Variants in MYRIP observed in about 807,000 individuals in gnomAD.
MYRIP encodes rab effector MyRIP.
In MYRIP, 49 loss-of-function variants were observed where a neutral mutation model predicts 98.0. The observed-to-expected ratio is 0.50, with a 90% CI of 0.40 to 0.63. The LOEUF is 0.63. Ranked by LOEUF, MYRIP falls within the 30% of genes least tolerant of loss-of-function variation. The probability of loss-of-function intolerance (pLI) is 0.00; values close to 1 mark genes in which losing one functional copy is unlikely to be tolerated. For missense variants in MYRIP, 1,004 were observed against 1,058.2 expected, an observed-to-expected ratio of 0.95 and a Z score of 0.71; for synonymous variants, 404 against 409.5, an observed-to-expected ratio of 0.99 and a Z score of 0.16.
chr3:40,057,463 G>A (rs533246527), intron 3 of MYRIP, among the ~76,000 whole-genome samples: 11 of 152,244 alleles, frequency 7.2e-5, no homozygotes, highest in South Asian at 6.2e-4. Context: ...AGAAGCTAAC[G>A]TTAATCTAGA....
chr3:40,150,034 T>A (rs2125572885), intron 3 of MYRIP, among the ~76,000 whole-genome samples: 1 of 152,306 alleles, frequency 6.6e-6, no homozygotes, highest in Middle Eastern at 3.4e-3. Context: ...AGAAAGGCTT[T>A]AGAAATTTGT....
intron 5 of MYRIP, among the ~76,000 whole-genome samples, chr3:40,166,036 C>T (rs1486358585): frequency 6.6e-6 from 1 of 152,160 alleles, no homozygotes; most frequent in Non-Finnish European, 1.5e-5. Flanking sequence ...CTACTTACCA[C>T]TGGATTTTTG....
rs1481422170 is a variant in MYRIP at position 40,204,188 on chromosome 3, A to ATTATATAATATG, written c.1666-5665_1666-5664insTATATAATATGT. Among the ~76,000 whole-genome samples, 5 of 57,132 alleles carry ATTATATAATATG rather than the reference A, an allele frequency of 8.8e-5. 1 individual carries two copies. In the South Asian group the frequency reaches 1.7e-3, roughly 19 times the overall value. 37.5% of individuals were successfully genotyped at this position (57,132 alleles called of 152,430 possible). ...ATAATATTTATATATTATATAATATATAAATATTATATTATATATTTATAT... is the reference window on the plus strand; with the variant it reads ...ATAATATTTATATATTATATAATATATTATATAATATGTAAATATTATATTATATATTTATAT... On this transcript the variant is annotated intron_variant, in intron 10 of 16. Transcript: ENST00000302541.
chr3:40,161,965 C>A (rs372319364), intron 4 of MYRIP, among the ~76,000 whole-genome samples: 22 of 152,242 alleles, frequency 1.4e-4, no homozygotes, highest in African/African-American at 5.3e-4. Context: ...CTCACCAGAG[C>A]TGCTTTTCCT....
chr3:39,838,287 G>A (rs1020727691), intron 1 of MYRIP, among the ~76,000 whole-genome samples: 6 of 152,046 alleles, frequency 3.9e-5, no homozygotes, highest in South Asian at 4.2e-4. Context: ...GTCTTGTGCC[G>A]GTTTTCAAAG....
chr3:40,069,208 A>T (rs1420251512), intron 3 of MYRIP, among the ~76,000 whole-genome samples: 3 of 152,010 alleles, frequency 2.0e-5, no homozygotes, highest in Admixed American at 2.0e-4. Context: ...GCACCTGCAC[A>T]TCTCTTCTCC....
chr3:40,221,662 T>C (rs1247936236), intron 11 of MYRIP, among the ~76,000 whole-genome samples: 1 of 152,116 alleles, frequency 6.6e-6, no homozygotes, highest in Non-Finnish European at 1.5e-5. Context: ...TTAGTGTTGG[T>C]AAGGGTTCAG....
At position 40,170,060 on chromosome 3, in the gene MYRIP, C is replaced by T; in HGVS notation, c.840C>T (p.Ser280=). ...TGGCAGATGAGGGGACCTCAGCATC[C>T]CCTGGAGGCTACCGTGCTCCCGCTG... ...TKVADEGTSA[S]PGGYRAPAAL... Residue 280 remains serine (S), a synonymous_variant, in exon 8 of 17, where the codon TCC becomes TCT. Coordinates refer to ENST00000302541, the MANE Select transcript of MYRIP (RefSeq NM_015460.4). 2 of 1,614,196 alleles carry T rather than the reference C, an allele frequency of 1.2e-6. No homozygotes were observed. The highest frequency in any genetic ancestry group is 1.7e-6 in the Non-Finnish European group (2 of 1,180,034).
intron 3 of MYRIP, among the ~76,000 whole-genome samples, chr3:40,133,611 C>T (rs1314228972): frequency 6.6e-6 from 1 of 152,112 alleles, no homozygotes; most frequent in Non-Finnish European, 1.5e-5. Flanking sequence ...GTGGCTGATG[C>T]CTGTAATCCC....
chr3:39,892,476 T>C (rs1943511766), intron 1 of MYRIP, among the ~76,000 whole-genome samples: 1 of 152,210 alleles, frequency 6.6e-6, no homozygotes, highest in African/African-American at 2.4e-5. Flanking sequence ...ACTGAGAAGA[T>C]AATCTTACAT....
At chr3:39,956,833 A>G (rs1267197841) in intron 2 of MYRIP, among the ~76,000 whole-genome samples, 1 of 151,814 alleles carries the variant, frequency 6.6e-6, no homozygotes, top group Admixed American at 6.5e-5. Context: ...GGAATAAAAA[A>G]TGATAAAGGG....
At chr3:40,253,742 G>A (rs1290626301) in intron 16 of MYRIP, among the ~76,000 whole-genome samples, 1 of 152,332 alleles carries the variant, frequency 6.6e-6, no homozygotes, top group East Asian at 1.9e-4. Flanking sequence ...CATCCTAACA[G>A]TGTAGCCGCT....
chr3:39,863,670 T>C (rs141201046), intron 1 of MYRIP, among the ~76,000 whole-genome samples: 3 of 152,222 alleles, frequency 2.0e-5, no homozygotes, highest in South Asian at 2.1e-4. Context: ...ATCAGTAATA[T>C]AAAGCTTACC....
intron 3 of MYRIP, among the ~76,000 whole-genome samples, chr3:40,135,078 C>G (rs1053584740): frequency 1.3e-5 from 2 of 152,082 alleles, no homozygotes; most frequent in African/African-American, 4.8e-5. Flanking sequence ...GAAGATCAAA[C>G]TACTCTGAGC....
chr3:40,076,037 AT>A (rs1157235296), intron 3 of MYRIP, among the ~76,000 whole-genome samples: 1 of 152,134 alleles, frequency 6.6e-6, no homozygotes, highest in Admixed American at 6.5e-5. Context: ...CTCTAAAAAA[AT>A]AAAATAAAAT....
intron 3 of MYRIP, among the ~76,000 whole-genome samples, chr3:40,117,537 C>G (rs985139458): frequency 1.2e-4 from 19 of 152,170 alleles, no homozygotes; most frequent in Non-Finnish European, 1.5e-5. Flanking sequence ...CCAGTGTCCT[C>G]ACTTACCTTG....
chr3:39,942,327 G>A (rs1944807279), intron 2 of MYRIP, among the ~76,000 whole-genome samples: 1 of 152,042 alleles, frequency 6.6e-6, no homozygotes, highest in Admixed American at 6.6e-5. Flanking sequence ...GGGACTTTGT[G>A]CCAAAATAAA....
chr3:39,919,717 T>TGAGAGAGAGA (rs769723675), intron 2 of MYRIP, among the ~76,000 whole-genome samples: 4 of 148,910 alleles, frequency 2.7e-5, no homozygotes, highest in Non-Finnish European at 4.4e-5. Context: ...TGTGTGTGTG[T>TGAGAGAGAGA]GTGTGTGTGT....
At chr3:40,249,452 A>T (rs1178418933) in intron 13 of MYRIP, among the ~76,000 whole-genome samples, 2 of 152,200 alleles carry the variant, frequency 1.3e-5, no homozygotes, top group East Asian at 1.9e-4. Flanking sequence ...CAGTTTCCTT[A>T]TCTGTGAAAC....
Sources: allele counts gnomAD v4.1 joint callset (sites outside exome capture counted in the v4.1 genomes callset), GRCh38; gene constraint gnomAD v4.1.1; transcripts MANE v1.5; gene names NCBI Gene and HGNC (gene_info 2026-07-23, HGNC 2026-07-21).